Variants in MRPL15 observed in about 807,000 individuals in gnomAD.
The protein encoded by MRPL15 is large ribosomal subunit protein uL15m.
MRPL15 carries 24 observed loss-of-function variants against 28.0 expected under a neutral mutation model. The ratio of observed to expected loss-of-function variants is 0.86; its 90% CI spans 0.62 to 1.21. MRPL15 has a LOEUF of 1.21. Ranked by LOEUF, MRPL15 falls within the 50% of genes most tolerant of loss-of-function variation. The probability of loss-of-function intolerance (pLI) is 0.00; values close to 1 mark genes in which losing one functional copy is unlikely to be tolerated. For synonymous variants in MRPL15, 124 were observed against 137.0 expected (o/e 0.90, Z 0.66); for missense variants, 343 against 372.4 (o/e 0.92, Z 0.65).
rs1354495521 is a variant in MRPL15 at position 54,135,374 on chromosome 8, C to A, written c.91C>A (p.Pro31Thr). The part of the protein sequence containing the change: ...RVSLANLKPN[P>T]GSKKPERRPR... The stretch of plus-strand genomic sequence containing the variant: ...GAGCCTGGCCAACTTAAAGCCGAAT[C>A]CCGGCTCCAAGAAACCGGTAAATGG... The change falls in exon 1 of 5, where the codon CCC (proline) becomes ACC (threonine). Residue 31 changes from proline to threonine, a missense_variant. Pro to Thr is a conservative substitution (Grantham distance 38). Transcript: ENST00000260102. 6.5e-7 allele frequency: 1 copy of A among 1,528,176 alleles called. No homozygotes were observed. Among genetic ancestry groups the A allele is most frequent in the Non-Finnish European group, 8.8e-7 (1 of 1,135,140 alleles). 94.7% of individuals were successfully genotyped at this position (1,528,176 alleles called of 1,614,324 possible).
chr8:54,142,177 G>A (rs1049873621), intron 3 of MRPL15, among the ~76,000 whole-genome samples: 13 of 147,102 alleles, frequency 8.8e-5, no homozygotes, highest in African/African-American at 1.8e-4. Flanking sequence ...TATTTGAGAC[G>A]GAGTTTCACT....
rs978851396 is a variant in MRPL15, at chr8:54,147,966, C to A, written c.*247C>A. On this transcript the variant is annotated 3_prime_UTR_variant, in exon 5 of 5. Coordinates refer to ENST00000260102, the MANE Select transcript of MRPL15 (RefSeq NM_014175.4). ...CTGATAGTCTATGGAAGGAAAATGA[C>A]AACTATTTTAGAATATTTCTAGTTT... The A allele has an allele frequency of 5.0e-6, 2 of 403,668 alleles. No homozygotes were observed. The allele number at this position is 403,668 out of a possible 1,614,324, so 25.0% of individuals were successfully genotyped here. A position where few individuals can be genotyped will look rare whatever the true frequency, so the allele number is the denominator to read the frequency against.
chr8:54,143,999 C>T (rs893846351), intron 4 of MRPL15, among the ~76,000 whole-genome samples: 1 of 151,896 alleles, frequency 6.6e-6, no homozygotes, highest in Non-Finnish European at 1.5e-5. Flanking sequence ...ATGGTGTGCA[C>T]ACGCACACAC....
intron 3 of MRPL15, among the ~76,000 whole-genome samples, chr8:54,140,577 T>TTTTTTTTTTTC: frequency 9.6e-6 from 1 of 104,306 alleles, no homozygotes; most frequent in African/African-American, 6.4e-5. Context: ...TTCTTTTCTT[T>TTTTTTTTTTTC]TTTTTTTTTT....
At chr8:54,140,240 C>T (rs1422855832) in intron 3 of MRPL15, among the ~76,000 whole-genome samples, 2 of 152,074 alleles carry the variant, frequency 1.3e-5, no homozygotes, top group Non-Finnish European at 2.9e-5. Flanking sequence ...TTCAGAGCTA[C>T]ATTTTCCTTT....
intron 3 of MRPL15, 115 bp downstream of exon 3, chr8:54,137,548 C>G: frequency 1.1e-6 from 1 of 914,972 alleles, no homozygotes; most frequent in Non-Finnish European, 1.6e-6. Context: ...CTGCAACCTC[C>G]ACCTCACAAG....
At chr8:54,135,415 G>C (rs1481285827) in intron 1 of MRPL15, 24 bp downstream of exon 1, 2 of 1,519,690 alleles carry the variant, frequency 1.3e-6, no homozygotes, top group African/African-American at 2.9e-5. Context: ...GGCGGTGCGG[G>C]GAAGCGCTGG....
Position 54,147,375 on chromosome 8 carries a change from CT to C in MRPL15, c.554-3del, listed in dbSNP as rs780659454. ...ATCTCACTTTTTAAATTTAAATTTT[CT>C]TTTAGACATTGTATGCAAACCTGTT... On this transcript the variant is annotated splice_polypyrimidine_tract_variant and splice_region_variant and intron_variant, in intron 4 of 4. Coordinates refer to ENST00000260102, the MANE Select transcript of MRPL15 (RefSeq NM_014175.4). 6.3e-6 allele frequency: 10 copies of C among 1,586,812 alleles called. No individual in the cohort carries two copies. The East Asian group carries it at 2.0e-4, about 32-fold the overall frequency.
intron 3 of MRPL15, among the ~76,000 whole-genome samples, chr8:54,138,166 A>G (rs1363847335): frequency 6.6e-6 from 1 of 151,200 alleles, no homozygotes; most frequent in Non-Finnish European, 1.5e-5. Context: ...ATATTGGCCA[A>G]GCTGGTCTTG....
At chr8:54,139,041 C>T (rs1019595099) in intron 3 of MRPL15, among the ~76,000 whole-genome samples, 5 of 152,038 alleles carry the variant, frequency 3.3e-5, no homozygotes, top group African/African-American at 9.7e-5. Flanking sequence ...ACTCTGTCAC[C>T]CAGGCTGGAG....
Position 54,142,759 on chromosome 8 carries a change from A to G in MRPL15, c.526A>G (p.Thr176Ala). The change falls in exon 4 of 5, where the codon ACA becomes GCA. Residue 176 changes from threonine to alanine, a missense_variant. By Grantham distance (58) the Thr-to-Ala change is moderately conservative. Coordinates refer to ENST00000260102, the MANE Select transcript of MRPL15 (RefSeq NM_014175.4). ...AIEKNGGVVTTAFYDPRSLDI... is the reference protein window; with the variant it reads ...AIEKNGGVVTAAFYDPRSLDI... ...TGAAAAAAATGGTGGTGTTGTTACTACAGCCTTCTATGATCCAAGAAGTCT... is the reference window on the plus strand; with the variant it reads ...TGAAAAAAATGGTGGTGTTGTTACTGCAGCCTTCTATGATCCAAGAAGTCT... 6.2e-7 allele frequency: 1 copy of G among 1,614,162 alleles called. No homozygotes were observed. Among genetic ancestry groups the G allele is most frequent in the Non-Finnish European group, 8.5e-7 (1 of 1,180,024 alleles).
intron 3 of MRPL15, among the ~76,000 whole-genome samples, chr8:54,140,818 G>T (rs756558162): frequency 6.6e-6 from 1 of 151,368 alleles, no homozygotes; most frequent in South Asian, 2.1e-4. Flanking sequence ...TTCTGACCTC[G>T]TGATCCACCC....
chr8:54,145,617 G>A (rs1811031487), intron 4 of MRPL15, among the ~76,000 whole-genome samples: 2 of 152,164 alleles, frequency 1.3e-5, no homozygotes, highest in Non-Finnish European at 2.9e-5. Context: ...GGGACTACAG[G>A]TGCATGTCAC....
chr8:54,139,140 C>G (rs1188523799), intron 3 of MRPL15, among the ~76,000 whole-genome samples: 1 of 152,208 alleles, frequency 6.6e-6, no homozygotes, highest in Non-Finnish European at 1.5e-5. Context: ...GCTGGGATTA[C>G]AGGCATGTGC....
chr8:54,137,535 C>T, intron 3 of MRPL15, 102 bp downstream of exon 3: 3 of 999,798 alleles, frequency 3.0e-6, no homozygotes, highest in Non-Finnish European at 4.4e-6. Context: ...GCAATCTCGG[C>T]TCCTGCAACC....
chr8:54,138,451 G>C (rs569649282), intron 3 of MRPL15, among the ~76,000 whole-genome samples: 7 of 151,510 alleles, frequency 4.6e-5, no homozygotes, highest in Non-Finnish European at 8.8e-5. Context: ...CTGAGTAGGT[G>C]GGACTACAGG....
chr8:54,136,304 T>C (rs1417536157), intron 1 of MRPL15, among the ~76,000 whole-genome samples: 1 of 152,200 alleles, frequency 6.6e-6, no homozygotes, highest in Admixed American at 6.5e-5. Context: ...ACACTTGGAC[T>C]TTGGTTACAA....
At chr8:54,138,984 G>T (rs1810874300) in intron 3 of MRPL15, among the ~76,000 whole-genome samples, 1 of 151,812 alleles carries the variant, frequency 6.6e-6, no homozygotes, top group African/African-American at 2.4e-5. Flanking sequence ...CTGCCACCAG[G>T]CCCAGCTAAT....
intron 3 of MRPL15, 111 bp from the exon 4 acceptor site, chr8:54,142,546 GTATTGT>G (rs2129240036): frequency 8.4e-7 from 1 of 1,197,296 alleles, no homozygotes; most frequent in South Asian, 1.6e-5. Context: ...AGGACTAACT[GTATTGT>G]TATGTTATAG....
Sources: gnomAD v4.1 joint callset for allele counts (sites outside exome capture counted in the v4.1 genomes callset) on GRCh38, gnomAD v4.1.1 for gene constraint, MANE v1.5 for transcripts, NCBI Gene and HGNC (gene_info 2026-07-23, HGNC 2026-07-21) for gene names.